The following TEKT1 variants were observed in gnomAD, a reference collection of about 807,000 sequenced individuals.
The protein encoded by TEKT1 is tektin 1, also known as tektin-1.
Under a neutral mutation model 34.8 loss-of-function variants are expected in TEKT1, and 32 were observed. That is an observed-to-expected ratio of 0.92 (90% CI 0.69 to 1.23). The LOEUF (loss-of-function observed/expected upper bound fraction) is 1.23, where lower values mean the gene tolerates loss of function less well. Among genes scored for constraint, TEKT1 ranks in the 50% most tolerant of loss-of-function variants. The pLI is 0.00. For synonymous variants in TEKT1, 207 were observed against 199.8 expected (o/e 1.04, Z -0.30); for missense variants, 492 against 518.5 (o/e 0.95, Z 0.50).
At chr17:6,831,292 A>G (rs1258514318) in intron 1 of TEKT1, among the ~76,000 whole-genome samples, 1 of 152,136 alleles carries the variant, frequency 6.6e-6, no homozygotes, top group Non-Finnish European at 1.5e-5. Context: ...CCCCACTCCC[A>G]TCTCTACCCT....
At chr17:6,816,536 C>T (rs1977010475) in intron 3 of TEKT1, among the ~76,000 whole-genome samples, 2 of 152,136 alleles carry the variant, frequency 1.3e-5, no homozygotes, top group African/African-American at 4.8e-5. Context: ...CCAGCTGCAT[C>T]CATGTCCCTG....
intron 6 of TEKT1, among the ~76,000 whole-genome samples, chr17:6,809,660 C>A (rs1371427441): frequency 6.6e-6 from 1 of 152,174 alleles, no homozygotes; most frequent in Admixed American, 6.5e-5. Context: ...TTCCACCCAC[C>A]CAAACCCCTG....
In TEKT1 at chr17:6,813,050, G is replaced by A. The variant is rs778692135; in HGVS notation, c.633C>T (p.Ser211=). 15 of 1,613,028 alleles carry A rather than the reference G, an allele frequency of 9.3e-6. No homozygotes were observed. The highest frequency in any genetic ancestry group is 2.7e-5 in the African/African-American group (2 of 74,916). The part of the protein sequence containing the change: ...SENAVRIEPN[S]VSLEDWLDFS... ...AGTCCAACCAGTCTTCCAGACTCACGGAGCTGAAACAGACCTCACGCTTTC... is the reference window on the plus strand; with the variant it reads ...AGTCCAACCAGTCTTCCAGACTCACAGAGCTGAAACAGACCTCACGCTTTC... Residue 211 remains serine (S), a synonymous_variant, in exon 6 of 8, where the codon TCC becomes TCT. Coordinates refer to ENST00000338694, the MANE Select transcript of TEKT1 (RefSeq NM_053285.2).
chr17:6,816,290 G>A (rs189729904), intron 3 of TEKT1, among the ~76,000 whole-genome samples: 1 of 151,940 alleles, frequency 6.6e-6, no homozygotes, highest in East Asian at 1.9e-4. Context: ...GTGCAGGTTT[G>A]ATACATAGGT....
At position 6,799,404 on chromosome 17, in the gene TEKT1, C is replaced by T. The variant is rs796266421; in HGVS notation, c.*623G>A. 3.9e-5 allele frequency: 6 copies of T among 152,244 alleles called. No homozygotes were observed. Among genetic ancestry groups the T allele is most frequent in the African/African-American group, 1.4e-4 (6 of 41,536 alleles). 9.4% of individuals were successfully genotyped at this position (152,244 alleles called of 1,614,324 possible). On this transcript the variant is annotated 3_prime_UTR_variant, in exon 8 of 8. Transcript: ENST00000338694. Reference sequence around the variant, plus strand: ...CTCACAATGGCTCACATTCATTAAACACTCACTGCCCCATGATACAGGCTC... The same window carrying T: ...CTCACAATGGCTCACATTCATTAAATACTCACTGCCCCATGATACAGGCTC...
At chr17:6,818,122 CA>C (rs1270744578) in intron 3 of TEKT1, among the ~76,000 whole-genome samples, 32 of 152,248 alleles carry the variant, frequency 2.1e-4, no homozygotes, top group Admixed American at 4.6e-4. Context: ...CTACTGGGGA[CA>C]AGATATGGAT....
chr17:6,815,428 C>A, intron 4 of TEKT1, 122 bp from the exon 5 acceptor site: 1 of 1,170,138 alleles, frequency 8.5e-7, no homozygotes, highest in Non-Finnish European at 1.3e-6. Flanking sequence ...GGTACTGCCC[C>A]CCACCCATCA....
intron 1 of TEKT1, among the ~76,000 whole-genome samples, chr17:6,830,831 T>C (rs144794289): frequency 0.013 from 1,905 of 152,272 alleles, 31 homozygotes; most frequent in African/African-American, 0.043. Flanking sequence ...CTACTGTTTA[T>C]GGATATTTGG....
intron 2 of TEKT1, among the ~76,000 whole-genome samples, chr17:6,821,104 A>G (rs558147349): frequency 2.6e-4 from 39 of 152,144 alleles, no homozygotes; most frequent in Non-Finnish European, 3.1e-4. Context: ...AAATTTTAGT[A>G]ATCTATTTTC....
rs866327441 is a variant in TEKT1 at position 6,798,018 on chromosome 17, G to A, written c.*2009C>T. On this transcript the variant is annotated 3_prime_UTR_variant, in exon 8 of 8. Coordinates refer to ENST00000338694, the MANE Select transcript of TEKT1 (RefSeq NM_053285.2). ...TTTACTAACAAAACATTGCTTTATTGAAATCTTAGATGTTTCCGCATTTTA... is the reference window on the plus strand; with the variant it reads ...TTTACTAACAAAACATTGCTTTATTAAAATCTTAGATGTTTCCGCATTTTA... The A allele has an allele frequency of 6.6e-5, 10 of 152,310 alleles. No individual in the cohort carries two copies. The highest frequency in any genetic ancestry group is 2.4e-4 in the African/African-American group (10 of 41,576). The allele number at this position is 152,310 out of a possible 1,614,324, so 9.4% of individuals were successfully genotyped here. A position where few individuals can be genotyped will look rare whatever the true frequency, so the allele number is the denominator to read the frequency against.
intron 2 of TEKT1, among the ~76,000 whole-genome samples, chr17:6,827,444 A>G (rs1904442724): frequency 6.6e-6 from 1 of 151,642 alleles, no homozygotes; most frequent in Non-Finnish European, 1.5e-5. Flanking sequence ...TTGTACTTTT[A>G]GTAGAGACAG....
chr17:6,805,458 CTA>C (rs1490462364), intron 6 of TEKT1, among the ~76,000 whole-genome samples: 1 of 152,074 alleles, frequency 6.6e-6, no homozygotes, highest in Non-Finnish European at 1.5e-5. Context: ...TTTTGTGTCT[CTA>C]TTTCCTTCAG....
chr17:6,803,151 C>G (rs2045354837), intron 6 of TEKT1, among the ~76,000 whole-genome samples: 1 of 152,184 alleles, frequency 6.6e-6, no homozygotes, highest in Non-Finnish European at 1.5e-5. Context: ...GATCGCCATT[C>G]TAACTGGTGT....
At chr17:6,815,351 G>T in intron 4 of TEKT1, 45 bp from the exon 5 acceptor site, 1 of 1,613,732 alleles carries the variant, frequency 6.2e-7, no homozygotes, top group Non-Finnish European at 8.5e-7. Context: ...GGAGTGCCCA[G>T]GTGGCACCCA....
At chr17:6,800,663 C>A in intron 7 of TEKT1, 84 bp downstream of exon 7, 1 of 1,479,660 alleles carries the variant, frequency 6.8e-7, no homozygotes, top group Non-Finnish European at 9.1e-7. Context: ...TTCATTCACG[C>A]TGCTGGTCAC....
chr17:6,806,088 T>C (rs1462917207), intron 6 of TEKT1, among the ~76,000 whole-genome samples: 1 of 152,186 alleles, frequency 6.6e-6, no homozygotes, highest in African/African-American at 2.4e-5. Flanking sequence ...CCCATTATTA[T>C]TGTGTGGGAG....
Position 6,815,844 on chromosome 17 carries a change from C to T in TEKT1, c.475G>A (p.Glu159Lys), listed in dbSNP as rs769939765. Residue 159 changes from glutamate to lysine, a missense_variant, in exon 4 of 8, where the codon GAG becomes AAG. Coordinates refer to ENST00000338694, the MANE Select transcript of TEKT1 (RefSeq NM_053285.2). Reference sequence around the variant, plus strand: ...GCCGAAGAGTCATACCGAATCTGCTCGGAAGCCTCCTCCAAGGTACGGGTC... The same window carrying T: ...GCCGAAGAGTCATACCGAATCTGCTTGGAAGCCTCCTCCAAGGTACGGGTC... ...LLTRTLEEASEQIRMNRSAKY... is the reference protein window; with the variant it reads ...LLTRTLEEASKQIRMNRSAKY... 9.3e-6 allele frequency: 15 copies of T among 1,614,048 alleles called. No individual in the cohort carries two copies. The East Asian group carries it at 3.1e-4, about 34-fold the overall frequency.
In TEKT1 at chr17:6,815,898, C is replaced by G. The variant is rs781363875; in HGVS notation, c.421G>C (p.Glu141Gln). 2 of 1,614,196 alleles carry G rather than the reference C, an allele frequency of 1.2e-6. No individual in the cohort carries two copies. Among genetic ancestry groups the G allele is most frequent in the Non-Finnish European group, 1.7e-6 (2 of 1,180,040 alleles). The change falls in exon 4 of 8, where the codon GAG becomes CAG. Residue 141 changes from glutamate to glutamine, a missense_variant. Coordinates refer to ENST00000338694, the MANE Select transcript of TEKT1 (RefSeq NM_053285.2). ...AGAGCCATAATGCCCTGGATGATCT[C>G]AGCCTCCTTTATCAGCTCATGCTCC... ...TVEHELIKEA[E>Q]IIQGIMALLT...
chr17:6,830,365 T>C lies in TEKT1; in HGVS notation c.12A>G (p.Leu4=). Residue 4 remains leucine, a synonymous_variant, in exon 2 of 8, where the codon CTA becomes CTG. Transcript: ENST00000338694. MAK[L]LQPPPKFLPS... ...GCAGGAACTTGGGTGGAGGTTGTAA[T>C]AGTTTAGCCATTTGAGGTTTCCAAA... 6.3e-7 allele frequency: 1 copy of C among 1,578,704 alleles called. No homozygotes were observed. Among genetic ancestry groups the C allele is most frequent in the Non-Finnish European group, 8.6e-7 (1 of 1,168,860 alleles).
Sources: gnomAD v4.1 joint callset for allele counts (sites outside exome capture counted in the v4.1 genomes callset) on GRCh38, gnomAD v4.1.1 for gene constraint, MANE v1.5 for transcripts, NCBI Gene and HGNC (gene_info 2026-07-23, HGNC 2026-07-21) for gene names.